ZNF559: variants seen among roughly 807,000 people sequenced by gnomAD.
ZNF559 encodes the protein zinc finger protein 559.
ZNF559 carries 17 observed loss-of-function variants against 14.2 expected under a neutral mutation model. The ratio of observed to expected loss-of-function variants is 1.20; its 90% confidence interval spans 0.82 to 1.80. ZNF559 has a LOEUF of 1.80. ZNF559 is among the 40% of genes most tolerant of loss of function. The pLI, the probability that ZNF559 is intolerant of heterozygous loss-of-function variation, is 0.00. For missense variants in ZNF559, 740 were observed against 629.7 expected (o/e 1.18, Z -1.88); for synonymous variants, 244 against 212.4 (o/e 1.15, Z -1.29).
chr19:9,345,352 G>A lies in ZNF559; in HGVS notation c.*2284G>A, dbSNP rs990823491. 5 of 152,170 alleles carry A rather than the reference G, an allele frequency of 3.3e-5. No individual in the cohort carries two copies. Among genetic ancestry groups the A allele is most frequent in the African/African-American group, 7.2e-5 (3 of 41,452 alleles). The allele number at this position is 152,170 out of a possible 1,614,324, so 9.4% of individuals were successfully genotyped here. On this transcript the variant is annotated 3_prime_UTR_variant, in exon 7 of 7. Coordinates refer to ENST00000603380, the MANE Select transcript of ZNF559 (RefSeq NM_032497.3). ...ATGATCAGATCATATGTTAGTGTAC[G>A]TTTAAGTTTTTAAGAGACTGCTAAA...
chr19:9,326,531 A>G (rs1313281288), intron 2 of ZNF559, among the ~76,000 whole-genome samples: 1 of 152,186 alleles, frequency 6.6e-6, no homozygotes, highest in Non-Finnish European at 1.5e-5. Flanking sequence ...TATTTCTTGT[A>G]AAGTGGATGT....
rs1253175922 is a variant in ZNF559 at position 9,342,217 on chromosome 19, C to T, written c.766C>T (p.Leu256Phe). ...CGKPFTESSY[L>F]TQHLRTHSRV... Reference sequence around the variant, plus strand: ...GAAACCCTTCACTGAGTCGTCATATCTTACTCAACATTTAAGAACTCATAG... The same window carrying T: ...GAAACCCTTCACTGAGTCGTCATATTTTACTCAACATTTAAGAACTCATAG... Residue 256 changes from leucine (L) to phenylalanine (F), a missense_variant, in exon 7 of 7, where the codon CTT becomes TTT. Leu to Phe is a conservative substitution (Grantham distance 22, BLOSUM62 0). Transcript: ENST00000603380. The T allele has an allele frequency of 6.3e-7, 1 of 1,592,098 alleles. No homozygotes were observed. Among genetic ancestry groups the T allele is most frequent in the East Asian group, 2.2e-5 (1 of 44,804 alleles).
chr19:9,343,098 T>G lies in ZNF559; in HGVS notation c.*30T>G. On this transcript the variant is annotated 3_prime_UTR_variant, in exon 7 of 7. Coordinates refer to ENST00000603380, the MANE Select transcript of ZNF559 (RefSeq NM_032497.3). ...GGGCTGATACTTGGAAAGAATGTGG[T>G]AAAGCCACTACTTCCTCACACTTAC... is the stretch of plus-strand genomic sequence containing the variant. 6.3e-7 allele frequency: 1 copy of G among 1,582,204 alleles called. No individual in the cohort carries two copies. The highest frequency in any genetic ancestry group is 1.2e-5 in the South Asian group (1 of 85,698).
At chr19:9,330,088 AG>A (rs1251299276) in intron 2 of ZNF559, 1 of 152,166 alleles carries the variant, frequency 6.6e-6, no homozygotes, top group Non-Finnish European at 1.5e-5. Flanking sequence ...GCTGTTTTGT[AG>A]TTTTTATTCC....
chr19:9,333,099 T>G (rs2067024799), intron 2 of ZNF559: 1 of 152,200 alleles, frequency 6.6e-6, no homozygotes, highest in Admixed American at 6.5e-5. Flanking sequence ...GTCTTCTGAA[T>G]AGCTTGGAGT....
At chr19:9,335,699 T>C (rs1371819725) in intron 2 of ZNF559, among the ~76,000 whole-genome samples, 2 of 152,170 alleles carry the variant, frequency 1.3e-5, no homozygotes, top group Non-Finnish European at 2.9e-5. Flanking sequence ...CACACCTGGC[T>C]AATTTTTGTG....
Position 9,337,796 on chromosome 19 carries a change from A to G in ZNF559, c.-119A>G. ...ACATGAACAACTTCATCTTCTGCAG[A>G]GAGATGGCTAATGAATGGCGCTTGA... On this transcript the variant is annotated splice_region_variant and 5_prime_UTR_variant, in exon 3 of 7. Transcript: ENST00000603380. The G allele has an allele frequency of 2.1e-6, 3 of 1,440,292 alleles. No homozygotes were observed. Among genetic ancestry groups the G allele is most frequent in the Non-Finnish European group, 2.7e-6 (3 of 1,100,362 alleles). The allele number at this position is 1,440,292 out of a possible 1,614,324, so 89.2% of individuals were successfully genotyped here.
chr19:9,330,590 C>A (rs2066886699), intron 2 of ZNF559, among the ~76,000 whole-genome samples: 1 of 152,018 alleles, frequency 6.6e-6, no homozygotes, highest in Admixed American at 6.6e-5. Context: ...CTCTTGGACC[C>A]CTCTAGTTAA....
intron 1 of ZNF559, 67 bp from the exon 2 acceptor site, chr19:9,324,628 C>CG (rs1420733473): frequency 1.1e-6 from 1 of 925,284 alleles, no homozygotes; most frequent in Non-Finnish European, 1.5e-6. Context: ...ACCCCCCCCC[C>CG]CAACCATCTC....
At chr19:9,328,133 A>G (rs922616797) in intron 2 of ZNF559, among the ~76,000 whole-genome samples, 55 of 152,248 alleles carry the variant, frequency 3.6e-4, no homozygotes, top group African/African-American at 1.3e-3. Flanking sequence ...ATCTCTTATA[A>G]TAAAGACCTT....
intron 2 of ZNF559, among the ~76,000 whole-genome samples, chr19:9,333,369 C>T (rs563871962): frequency 6.6e-6 from 1 of 152,206 alleles, no homozygotes; most frequent in East Asian, 1.9e-4. Context: ...TATATCCTGC[C>T]AAATTCCCTA....
rs955332051 is a variant in ZNF559 at position 9,326,140 on chromosome 19, G to A, written c.-120+1360G>A. Among the ~76,000 whole-genome samples, 35 of 119,586 alleles carry A rather than the reference G, an allele frequency of 2.9e-4. 1 individual carries two copies. The highest frequency in any genetic ancestry group is 6.5e-5 in the Non-Finnish European group (4 of 61,262). 78.5% of individuals were successfully genotyped at this position (119,586 alleles called of 152,430 possible). A position where few individuals can be genotyped will look rare whatever the true frequency, so the allele number is the denominator to read the frequency against. ...TTTTTTTTTTTTTTTTTGAGACGGA[G>A]TCTGTCTGTCCCAGGCTGGAGTGCA... is the stretch of plus-strand genomic sequence containing the variant. On this transcript the variant is annotated intron_variant, in intron 2 of 6. Coordinates refer to ENST00000603380, the MANE Select transcript of ZNF559 (RefSeq NM_032497.3).
At position 9,342,533 on chromosome 19, in the gene ZNF559, CTT is replaced by C; in HGVS notation, c.1085_1086del (p.Phe362CysfsTer2). ...TATGAATGTAAGGAATGTGGGAAAG[CTT>C]TTGCTAACTCTTCACATCTTACTGT... On this transcript the variant is annotated frameshift_variant, in exon 7 of 7. Transcript: ENST00000603380. LOFTEE classifies it low-confidence loss of function (END_TRUNC). The C allele has an allele frequency of 1.2e-6, 2 of 1,614,020 alleles. No homozygotes were observed. Among genetic ancestry groups the C allele is most frequent in the East Asian group, 2.2e-5 (1 of 44,868 alleles).
At position 9,337,936 on chromosome 19, in the gene ZNF559, G is replaced by A. The variant is rs1053533596; in HGVS notation, c.-57+78G>A. On this transcript the variant is annotated intron_variant, in intron 3 of 6. Transcript: ENST00000603380. ...TACCCATAAGTTCAGACAGTGTCTC[G>A]AAGAGACTTTGGGAACAAGATATTC... The A allele has an allele frequency of 5.3e-5, 81 of 1,535,666 alleles. 1 individual carries two copies. In the East Asian group the frequency reaches 1.5e-3, roughly 28 times the overall value.
Position 9,345,287 on chromosome 19 carries a change from T to C in ZNF559, c.*2219T>C, listed in dbSNP as rs767616235. The C allele has an allele frequency of 1.3e-5, 2 of 152,354 alleles. No individual in the cohort carries two copies. The highest frequency in any genetic ancestry group is 2.9e-5 in the Non-Finnish European group (2 of 68,032). 9.4% of individuals were successfully genotyped at this position (152,354 alleles called of 1,614,324 possible). A position where few individuals can be genotyped will look rare whatever the true frequency, so the allele number is the denominator to read the frequency against. ...GAATACCCATATGCAGATTATTCTT[T>C]AAACATGTGCTTCTGTTTCTTTAAA... On this transcript the variant is annotated 3_prime_UTR_variant, in exon 7 of 7. Coordinates refer to ENST00000603380, the MANE Select transcript of ZNF559 (RefSeq NM_032497.3).
intron 2 of ZNF559, among the ~76,000 whole-genome samples, chr19:9,326,416 T>A (rs1381206673): frequency 6.6e-6 from 1 of 152,192 alleles, no homozygotes; most frequent in African/African-American, 2.4e-5. Flanking sequence ...TTTTTAAAAA[T>A]AAAATTTTGG....
intron 2 of ZNF559, among the ~76,000 whole-genome samples, chr19:9,326,899 T>G (rs1039154748): frequency 1.3e-5 from 2 of 152,140 alleles, no homozygotes; most frequent in Non-Finnish European, 2.9e-5. Flanking sequence ...ACTTAAAAGT[T>G]TTTCAATAAC....
chr19:9,342,088 TATACTC>T lies in ZNF559; in HGVS notation c.641_646del (p.Thr214_His215del), dbSNP rs757293911. 1.9e-6 allele frequency: 3 copies of T among 1,613,142 alleles called. No individual in the cohort carries two copies. Among genetic ancestry groups the T allele is most frequent in the Non-Finnish European group, 2.5e-6 (3 of 1,179,720 alleles). ...AAGAATTTATGGTGGAGAGAGACCA[TATACTC>T]ATAAGGAGTATGTCGAAACCTTTTC... On this transcript the variant is annotated inframe_deletion, in exon 7 of 7. Coordinates refer to ENST00000603380, the MANE Select transcript of ZNF559 (RefSeq NM_032497.3).
intron 6 of ZNF559, 119 bp downstream of exon 6, chr19:9,341,303 AAATAAT>A: frequency 1.0e-6 from 1 of 968,132 alleles, no homozygotes; most frequent in Non-Finnish European, 1.6e-6. Context: ...TTTCACCCAA[AAATAAT>A]CTGTCTCTTG....
Sources: allele counts gnomAD v4.1 joint callset (sites outside exome capture counted in the v4.1 genomes callset), GRCh38; gene constraint gnomAD v4.1.1; transcripts MANE v1.5; gene names NCBI Gene and HGNC (gene_info 2026-07-23, HGNC 2026-07-21).